SPATS2L: variants seen among roughly 807,000 people sequenced by gnomAD.
SPATS2L encodes spermatogenesis associated serine rich 2 like.
Under a neutral mutation model 59.6 loss-of-function variants are expected in SPATS2L, and 30 were observed. That is an observed-to-expected ratio of 0.50 (90% CI 0.38 to 0.68). The LOEUF (loss-of-function observed/expected upper bound fraction) is 0.68, where lower values mean the gene tolerates loss of function less well. Among genes scored for constraint, SPATS2L ranks in the 30% least tolerant of loss-of-function variants. The pLI is 0.00. For missense variants in SPATS2L, 615 were observed against 700.0 expected (o/e 0.88, Z 1.37); for synonymous variants, 252 against 263.5 (o/e 0.96, Z 0.42).
At chr2:200,402,668 C>A (rs1574405231) in intron 3 of SPATS2L, among the ~76,000 whole-genome samples, 1 of 152,216 alleles carries the variant, frequency 6.6e-6, no homozygotes, top group South Asian at 2.1e-4. Context: ...AGACTATAAA[C>A]CCCAATGCAT....
intron 2 of SPATS2L, among the ~76,000 whole-genome samples, chr2:200,362,684 T>C (rs1425116515): frequency 6.6e-6 from 1 of 152,208 alleles, no homozygotes; most frequent in Non-Finnish European, 1.5e-5. Flanking sequence ...GTAATGGATT[T>C]TGGGGACAAC....
chr2:200,367,576 TTA>T (rs1168778249), intron 2 of SPATS2L, among the ~76,000 whole-genome samples: 3 of 152,324 alleles, frequency 2.0e-5, no homozygotes, highest in Admixed American at 6.5e-5. Flanking sequence ...GGAAAATAAA[TTA>T]TGTGGTTTGT....
Position 200,472,970 on chromosome 2 carries a change from G to T in SPATS2L, c.1199G>T (p.Gly400Val). 1 of 1,613,618 alleles carries T rather than the reference G, an allele frequency of 6.2e-7. No individual in the cohort carries two copies. The highest frequency in any genetic ancestry group is 8.5e-7 in the Non-Finnish European group (1 of 1,179,842). The change falls in exon 12 of 13, where the codon GGC (glycine) becomes GTC (valine). Residue 400 changes from glycine (G) to valine (V), a missense_variant. Transcript: ENST00000409140. ...KSSTHNKPSE[G>V]KAANPKMVSS... The stretch of plus-strand genomic sequence containing the variant: ...TCCACTCACAATAAGCCCTCTGAAG[G>T]CAAAGCGGCAAACCCCAAAATGGTG...
chr2:200,314,163 A>G (rs773926869), intron 1 of SPATS2L, among the ~76,000 whole-genome samples: 14 of 152,192 alleles, frequency 9.2e-5, no homozygotes, highest in Non-Finnish European at 1.5e-4. Flanking sequence ...TAACTCGACA[A>G]GTTCAAAACA....
chr2:200,389,896 C>A (rs1264802348), intron 3 of SPATS2L: 1 of 152,334 alleles, frequency 6.6e-6, no homozygotes, highest in Admixed American at 6.5e-5. Flanking sequence ...GTCAGAATCC[C>A]TCACTTGCCA....
At chr2:200,471,342 A>G (rs896358288) in intron 11 of SPATS2L, among the ~76,000 whole-genome samples, 2 of 151,964 alleles carry the variant, frequency 1.3e-5, no homozygotes, top group East Asian at 3.9e-4. Flanking sequence ...CCCCACCTCT[A>G]AAAAAGGGAA....
intron 1 of SPATS2L, among the ~76,000 whole-genome samples, chr2:200,311,835 G>C (rs1303447487): frequency 6.6e-6 from 1 of 152,178 alleles, no homozygotes; most frequent in East Asian, 1.9e-4. Context: ...AAATCTGTTG[G>C]GGAGTGGAGG....
rs181761818 is a variant in SPATS2L, at chr2:200,429,120, G to T, written c.445+9624G>T. Among the ~76,000 whole-genome samples, 50 of 152,254 alleles carry T rather than the reference G, an allele frequency of 3.3e-4. 2 individuals are homozygous for T. Among genetic ancestry groups the T allele is most frequent in the African/African-American group, 1.2e-3 (49 of 41,542 alleles). ...TCCACCCTCCTTGCATGGCACATTCGTTCTTGCCCTCTCTACTTTAGCTAT... is the reference window on the plus strand; with the variant it reads ...TCCACCCTCCTTGCATGGCACATTCTTTCTTGCCCTCTCTACTTTAGCTAT... On this transcript the variant is annotated intron_variant, in intron 6 of 12. Coordinates refer to ENST00000409140, the MANE Select transcript of SPATS2L (RefSeq NM_001100423.2).
intron 4 of SPATS2L, among the ~76,000 whole-genome samples, chr2:200,415,908 G>A (rs1377407206): frequency 6.6e-6 from 1 of 151,966 alleles, no homozygotes; most frequent in Non-Finnish European, 1.5e-5. Context: ...TCATCCCCCT[G>A]CAAGATGTGA....
intron 3 of SPATS2L, among the ~76,000 whole-genome samples, chr2:200,396,025 A>ATAT (rs1446590888): frequency 2.4e-5 from 1 of 42,010 alleles, no homozygotes; most frequent in African/African-American, 6.7e-5. Flanking sequence ...AAAAAAAAAA[A>ATAT]AAAAAAAAAT....
chr2:200,430,457 C>A (rs1465543494), intron 6 of SPATS2L, among the ~76,000 whole-genome samples: 4 of 151,354 alleles, frequency 2.6e-5, no homozygotes, highest in African/African-American at 9.7e-5. Context: ...AGGAAACAAT[C>A]CTGCCCCCCA....
chr2:200,321,495 T>C (rs2079558892), intron 1 of SPATS2L, among the ~76,000 whole-genome samples: 1 of 152,248 alleles, frequency 6.6e-6, no homozygotes, highest in African/African-American at 2.4e-5. Context: ...CAGGTTTTCT[T>C]TTCTGCTTTC....
At chr2:200,385,988 G>A (rs949017473) in intron 2 of SPATS2L, among the ~76,000 whole-genome samples, 1 of 152,158 alleles carries the variant, frequency 6.6e-6, no homozygotes, top group Non-Finnish European at 1.5e-5. Flanking sequence ...CACCGCACCC[G>A]GCCAACTTAC....
In SPATS2L at chr2:200,478,154, C is replaced by G; in HGVS notation, c.*123C>G. 1.1e-6 allele frequency: 1 copy of G among 937,924 alleles called. No homozygotes were observed. The highest frequency in any genetic ancestry group is 1.5e-6 in the Non-Finnish European group (1 of 668,624). 58.1% of individuals were successfully genotyped at this position (937,924 alleles called of 1,614,324 possible). A position where few individuals can be genotyped will look rare whatever the true frequency, so the allele number is the denominator to read the frequency against. On this transcript the variant is annotated 3_prime_UTR_variant, in exon 13 of 13. Coordinates refer to ENST00000409140, the MANE Select transcript of SPATS2L (RefSeq NM_001100423.2). ...ATCCCGTATGGTTGTGTCATCCTCTCTTAATCATTTTTACTAATTCTAATA... is the reference window on the plus strand; with the variant it reads ...ATCCCGTATGGTTGTGTCATCCTCTGTTAATCATTTTTACTAATTCTAATA...
At chr2:200,391,297 T>C (rs759496418) in intron 3 of SPATS2L, among the ~76,000 whole-genome samples, 1 of 152,190 alleles carries the variant, frequency 6.6e-6, no homozygotes, top group Non-Finnish European at 1.5e-5. Context: ...ACTTCAAACT[T>C]ACTGTAGTTG....
At chr2:200,341,572 CTGTG>C (rs67414264) in intron 2 of SPATS2L, among the ~76,000 whole-genome samples, 1 of 151,616 alleles carries the variant, frequency 6.6e-6, no homozygotes, top group Admixed American at 6.6e-5. Flanking sequence ...AGATGAAAAA[CTGTG>C]TTTTTTTAAG....
intron 2 of SPATS2L, among the ~76,000 whole-genome samples, chr2:200,376,890 G>GACGGGTGTAGCC (rs1426667962): frequency 1.3e-5 from 2 of 152,154 alleles, no homozygotes; most frequent in East Asian, 3.9e-4. Context: ...TTGGAAAAGG[G>GACGGGTGTAGCC]ACGGGTGTAG....
At chr2:200,400,268 G>A (rs2082484314) in intron 3 of SPATS2L, among the ~76,000 whole-genome samples, 1 of 152,172 alleles carries the variant, frequency 6.6e-6, no homozygotes, top group Non-Finnish European at 1.5e-5. Flanking sequence ...GGTATAACCA[G>A]CTGGCTGAAA....
At chr2:200,373,556 G>A (rs2081503037) in intron 2 of SPATS2L, among the ~76,000 whole-genome samples, 1 of 152,156 alleles carries the variant, frequency 6.6e-6, no homozygotes, top group Non-Finnish European at 1.5e-5. Context: ...AAACAAGAGT[G>A]TCTTTTCAGT....
Sources: gnomAD v4.1 joint callset for allele counts (sites outside exome capture counted in the v4.1 genomes callset) on GRCh38, gnomAD v4.1.1 for gene constraint, MANE v1.5 for transcripts, NCBI Gene and HGNC (gene_info 2026-07-23, HGNC 2026-07-21) for gene names.